Variants in EYA3 observed in about 807,000 individuals in gnomAD.
EYA3 encodes protein phosphatase EYA3.
Under a neutral mutation model 80.0 loss-of-function variants are expected in EYA3, and 39 were observed. That is an observed-to-expected ratio of 0.49 (90% CI 0.38 to 0.64). EYA3 has a LOEUF of 0.64. EYA3 is among the 30% of genes least tolerant of loss of function. The pLI is 0.00. For missense variants in EYA3, 523 were observed against 676.1 expected (o/e 0.77, Z 2.51); for synonymous variants, 206 against 232.8 (o/e 0.88, Z 1.05).
Position 28,028,832 on chromosome 1 carries a change from A to T in EYA3, c.362-906T>A, listed in dbSNP as rs890698989. On this transcript the variant is annotated intron_variant, in intron 6 of 17. Coordinates refer to ENST00000373871, the MANE Select transcript of EYA3 (RefSeq NM_001990.4). The stretch of plus-strand genomic sequence containing the variant: ...CTTCCTCTGTCACCTAGGCTCAAAT[A>T]ATCCTCATGCCTCAGCTACAGGAGT... Among the ~76,000 whole-genome samples, 5 of 152,056 alleles carry T rather than the reference A, an allele frequency of 3.3e-5. No individual in the cohort carries two copies. In the South Asian group the frequency reaches 6.2e-4, roughly 19 times the overall value.
chr1:28,065,386 C>A (rs1045882708), intron 1 of EYA3, among the ~76,000 whole-genome samples: 1 of 152,102 alleles, frequency 6.6e-6, no homozygotes, highest in Non-Finnish European at 1.5e-5. Context: ...GATTCCCCTG[C>A]CTCAGCCTCC....
chr1:28,017,036 G>C, intron 8 of EYA3, 118 bp downstream of exon 8: 1 of 780,052 alleles, frequency 1.3e-6, no homozygotes. Context: ...CCAGAAAAAA[G>C]TCTCCACAGC....
chr1:28,080,390 G>A (rs185003762), intron 1 of EYA3, among the ~76,000 whole-genome samples: 96 of 152,236 alleles, frequency 6.3e-4, no homozygotes, highest in African/African-American at 2.2e-3. Context: ...CCAGGAGGTC[G>A]AGGCTGCAGT....
chr1:28,075,460 G>A (rs1056928117), intron 1 of EYA3, among the ~76,000 whole-genome samples: 1 of 152,164 alleles, frequency 6.6e-6, no homozygotes, highest in South Asian at 2.1e-4. Flanking sequence ...AGATGGTCTT[G>A]TGAATGAGGT....
rs907239277 is a variant in EYA3, at chr1:27,971,155, C to G, written c.*3311G>C. Reference sequence around the variant, plus strand: ...TTCTTCTGGACACTACCAGCTGCCCCAGGGGCACTGGACAGGGTGATGCTA... The same window carrying G: ...TTCTTCTGGACACTACCAGCTGCCCGAGGGGCACTGGACAGGGTGATGCTA... On this transcript the variant is annotated 3_prime_UTR_variant, in exon 18 of 18. Coordinates refer to ENST00000373871, the MANE Select transcript of EYA3 (RefSeq NM_001990.4). 4 of 152,176 alleles carry G rather than the reference C, an allele frequency of 2.6e-5. No homozygotes were observed. The highest frequency in any genetic ancestry group is 9.7e-5 in the African/African-American group (4 of 41,436). The allele number at this position is 152,176 out of a possible 1,614,324, so 9.4% of individuals were successfully genotyped here.
At chr1:28,078,670 G>T (rs1645311038) in intron 1 of EYA3, among the ~76,000 whole-genome samples, 1 of 152,108 alleles carries the variant, frequency 6.6e-6, no homozygotes, top group Non-Finnish European at 1.5e-5. Context: ...TCAGCCTCCT[G>T]AGTAGCTGGG....
At chr1:28,080,619 T>G (rs943805587) in intron 1 of EYA3, among the ~76,000 whole-genome samples, 1 of 150,428 alleles carries the variant, frequency 6.6e-6, no homozygotes, top group Admixed American at 6.6e-5. Context: ...ATGTATTTTA[T>G]AGTGGGTCAT....
intron 16 of EYA3, among the ~76,000 whole-genome samples, chr1:27,982,354 C>T (rs1188577823): frequency 6.6e-6 from 1 of 151,638 alleles, no homozygotes; most frequent in East Asian, 1.9e-4. Flanking sequence ...CTATGTTGTC[C>T]AGGCTGATCT....
At chr1:28,064,951 C>T (rs564433892) in intron 1 of EYA3, among the ~76,000 whole-genome samples, 2 of 152,278 alleles carry the variant, frequency 1.3e-5, no homozygotes, top group African/African-American at 4.8e-5. Flanking sequence ...AGTGAAAATA[C>T]CTTAAATAAA....
intron 1 of EYA3, among the ~76,000 whole-genome samples, chr1:28,087,713 G>A (rs987870282): frequency 6.6e-6 from 1 of 152,182 alleles, no homozygotes; most frequent in African/African-American, 2.4e-5. Flanking sequence ...ATTCTCATGG[G>A]AACACAAAAC....
At chr1:27,976,796 C>T (rs564627176) in intron 17 of EYA3, among the ~76,000 whole-genome samples, 61 of 152,278 alleles carry the variant, frequency 4.0e-4, no homozygotes, top group Middle Eastern at 3.4e-3. Context: ...CGGCTCACTG[C>T]AACCTCCGCC....
rs566794040 is a variant in EYA3 at position 27,991,276 on chromosome 1, T to C, written c.1304-1465A>G. On this transcript the variant is annotated intron_variant, in intron 14 of 17. Coordinates refer to ENST00000373871, the MANE Select transcript of EYA3 (RefSeq NM_001990.4). ...TTTTGGTCTTAAGAAGTCTTTCCAC[T>C]ACTCCACAGAACTTCCATGGTGACT... Among the ~76,000 whole-genome samples, 36 of 152,296 alleles carry C rather than the reference T, an allele frequency of 2.4e-4. 1 individual carries two copies. In the South Asian group the frequency reaches 6.6e-3, roughly 28 times the overall value.
intron 8 of EYA3, among the ~76,000 whole-genome samples, chr1:28,014,429 A>G (rs2148797020): frequency 1.3e-5 from 2 of 148,666 alleles, no homozygotes; most frequent in Middle Eastern, 3.5e-3. Flanking sequence ...AAAAAAAAAA[A>G]AAAAAAAAAA....
At chr1:28,083,465 AC>A (rs1645502954) in intron 1 of EYA3, among the ~76,000 whole-genome samples, 1 of 152,132 alleles carries the variant, frequency 6.6e-6, no homozygotes, top group Admixed American at 6.6e-5. Flanking sequence ...GGTTGCAGTG[AC>A]CAGAGATTGT....
At chr1:28,040,046 T>G (rs1417076861) in intron 4 of EYA3, among the ~76,000 whole-genome samples, 2 of 152,166 alleles carry the variant, frequency 1.3e-5, no homozygotes, top group Non-Finnish European at 2.9e-5. Context: ...TGAGGCCAAT[T>G]TTCACTTCTC....
rs532099168 is a variant in EYA3, at chr1:28,016,027, G to A, written c.585+1127C>T. 3.3e-5 allele frequency among the ~76,000 whole-genome samples: 5 copies of A among 152,272 alleles called. No homozygotes were observed. In the South Asian group the frequency reaches 1.0e-3, roughly 32 times the overall value. On this transcript the variant is annotated intron_variant, in intron 8 of 17. Transcript: ENST00000373871. ...AGTTGGAAGCTGTAATTATCATGAG[G>A]GAGGATTAGAATCTTTGGTGACAGT...
intron 1 of EYA3, among the ~76,000 whole-genome samples, chr1:28,084,597 T>A (rs868686745): frequency 0.026 from 405 of 15,292 alleles, no homozygotes; most frequent in South Asian, 0.051. Context: ...ATATATATAT[T>A]TTTTTTTTTT....
intron 2 of EYA3, among the ~76,000 whole-genome samples, chr1:28,055,464 T>C (rs1290122641): frequency 2.1e-4 from 12 of 55,936 alleles, no homozygotes; most frequent in African/African-American, 1.1e-3. Context: ...AAGAAAATCT[T>C]TTTTTTTTTT....
At chr1:28,040,702 A>C (rs564186309) in intron 4 of EYA3, among the ~76,000 whole-genome samples, 17 of 152,276 alleles carry the variant, frequency 1.1e-4, no homozygotes, top group African/African-American at 4.1e-4. Flanking sequence ...TTTCACTGGA[A>C]GAGTGAGGAT....
Sources: gnomAD v4.1 joint callset for allele counts (sites outside exome capture counted in the v4.1 genomes callset) on GRCh38, gnomAD v4.1.1 for gene constraint, MANE v1.5 for transcripts, NCBI Gene and HGNC (gene_info 2026-07-23, HGNC 2026-07-21) for gene names.